The following CCND3 variants were observed in gnomAD, a reference collection of about 807,000 sequenced individuals.
CCND3 encodes G1/S-specific cyclin-D3.
In CCND3, 9 loss-of-function variants were observed where a neutral mutation model predicts 28.7. The observed-to-expected ratio is 0.31, with a 90% CI of 0.19 to 0.55. The LOEUF (loss-of-function observed/expected upper bound fraction) is 0.55. CCND3 is among the 20% of genes least tolerant of loss of function. The pLI is 0.93. For synonymous variants in CCND3, 164 were observed against 163.9 expected (o/e 1.00, Z 0.00); for missense variants, 315 against 385.8 (o/e 0.82, Z 1.54).
rs1199684483 is a variant in CCND3 at position 42,048,262 on chromosome 6, G to A, written c.-46+239C>T. 8.4e-6 allele frequency: 2 copies of A among 238,686 alleles called. No individual in the cohort carries two copies. The highest frequency in any genetic ancestry group is 1.7e-5 in the Non-Finnish European group (2 of 119,826). 14.8% of individuals were successfully genotyped at this position (238,686 alleles called of 1,614,324 possible). A position where few individuals can be genotyped will look rare whatever the true frequency, so the allele number is the denominator to read the frequency against. ...CCACGGGGCTTCCAGATCAGCTGGA[G>A]GGGGTTGTGCCGATGTGTGTACATA... On this transcript the variant is annotated intron_variant, in intron 1 of 4. Coordinates refer to the CCND3 transcript ENST00000372988. This position sits in a 1 kb window ranked among gnomAD's most constrained non-coding sequence, Gnocchi z 4.7.
intron 1 of CCND3, among the ~76,000 whole-genome samples, chr6:41,987,180 C>T (rs1254629596): frequency 2.6e-5 from 4 of 151,946 alleles, no homozygotes; most frequent in African/African-American, 9.7e-5. Flanking sequence ...TTGTCAATTA[C>T]ATTTCGCACT....
At chr6:42,044,010 C>CCATG (rs1764449433) in intron 1 of CCND3, among the ~76,000 whole-genome samples, 1 of 152,222 alleles carries the variant, frequency 6.6e-6, no homozygotes, top group African/African-American at 2.4e-5. Context: ...GCATAAAAGG[C>CCATG]CATGCCACAT....
At chr6:42,034,289 A>G (rs1251733890) in intron 1 of CCND3, among the ~76,000 whole-genome samples, 2 of 150,904 alleles carry the variant, frequency 1.3e-5, no homozygotes, top group East Asian at 3.9e-4. Flanking sequence ...CTGGGATTAC[A>G]GGTGCCCGCC....
intron 1 of CCND3, among the ~76,000 whole-genome samples, chr6:42,037,394 T>C (rs1383589040): frequency 6.6e-6 from 1 of 151,836 alleles, no homozygotes. Context: ...TGCACGACCA[T>C]GCCCAGCTAA....
intron 1 of CCND3, among the ~76,000 whole-genome samples, chr6:41,968,144 A>G (rs1386647229): frequency 6.6e-6 from 1 of 152,210 alleles, no homozygotes; most frequent in African/African-American, 2.4e-5. Context: ...CATTTAGCTA[A>G]CAGCAAATGG....
chr6:42,038,318 C>T (rs141097058), intron 1 of CCND3, among the ~76,000 whole-genome samples: 6 of 151,932 alleles, frequency 3.9e-5, no homozygotes, highest in African/African-American at 7.3e-5. Flanking sequence ...GTGGGCAGAT[C>T]GCTTGAGCCC....
chr6:42,002,434 C>T (rs1307266937), intron 1 of CCND3, among the ~76,000 whole-genome samples: 1 of 51,554 alleles, frequency 1.9e-5, no homozygotes, highest in Non-Finnish European at 4.1e-5. Flanking sequence ...AACAAGACTC[C>T]ATCTCAAAAA....
chr6:41,941,897 G>C (rs1362917458), upstream of CCND3: 1 of 215,488 alleles, frequency 4.6e-6, no homozygotes, highest in African/African-American at 2.3e-5. This position sits in a 1 kb window ranked among gnomAD's most constrained non-coding sequence, Gnocchi z 6.1. Flanking sequence ...CGCCCCGGAC[G>C]GAAAGGGTTG....
chr6:41,990,660 A>ATTTTTTTTTTTTT lies in CCND3; in HGVS notation c.-45-50088_-45-50076dup, dbSNP rs67939325. Among the ~76,000 whole-genome samples the ATTTTTTTTTTTTT allele has an allele frequency of 6.9e-4, 84 of 121,276 alleles. 42 individuals are homozygous for ATTTTTTTTTTTTT. The highest frequency in any genetic ancestry group is 6.6e-4 in the Non-Finnish European group (40 of 60,716). 79.6% of individuals were successfully genotyped at this position (121,276 alleles called of 152,430 possible). A position where few individuals can be genotyped will look rare whatever the true frequency, so the allele number is the denominator to read the frequency against. On this transcript the variant is annotated intron_variant, in intron 1 of 4. Coordinates refer to the CCND3 transcript ENST00000372988. Reference sequence around the variant, plus strand: ...TAGTCCATGAATCTATAACCAACTGATTTTTTTTTTTTTTTTTTTTTTTTT... The same window carrying ATTTTTTTTTTTTT: ...TAGTCCATGAATCTATAACCAACTGATTTTTTTTTTTTTTTTTTTTTTTTTTTTTTTTTTTTTT...
chr6:41,965,624 A>G (rs570041918), intron 1 of CCND3, among the ~76,000 whole-genome samples: 2 of 152,256 alleles, frequency 1.3e-5, no homozygotes, highest in South Asian at 4.1e-4. Flanking sequence ...AACGGAAGGA[A>G]ACAGAACAGC....
intron 3 of CCND3, 50 bp downstream of exon 3, chr6:41,937,185 T>C (rs1353015713): frequency 2.5e-6 from 4 of 1,597,410 alleles, no homozygotes; most frequent in Non-Finnish European, 3.4e-6. Flanking sequence ...CTCACCCTTA[T>C]AAGTCTTCTG....
At chr6:41,982,732 C>T (rs1762382940) in intron 1 of CCND3, among the ~76,000 whole-genome samples, 1 of 152,008 alleles carries the variant, frequency 6.6e-6, no homozygotes, top group African/African-American at 2.4e-5. Flanking sequence ...AAAGACTCGA[C>T]AAATAGATCA....
In CCND3 at chr6:41,954,205, T is replaced by G. The variant is rs142180428; in HGVS notation, c.-45-13620A>C. 9.8e-3 allele frequency among the ~76,000 whole-genome samples: 1,298 copies of G among 132,222 alleles called. 15 individuals carry two copies. Among genetic ancestry groups the G allele is most frequent in the African/African-American group, 0.028 (946 of 34,360 alleles). 86.7% of individuals were successfully genotyped at this position (132,222 alleles called of 152,430 possible). On this transcript the variant is annotated intron_variant, in intron 1 of 4. Coordinates refer to the CCND3 transcript ENST00000372988. ...GGCGGAGGTTGTGGTAAGCTGAGAT[T>G]GCACCGCTGCACTCCAGCCTGGGGT... is the stretch of plus-strand genomic sequence containing the variant.
chr6:41,996,814 G>A lies in CCND3; in HGVS notation c.-46+51687C>T, dbSNP rs566114167. 3.2e-4 allele frequency among the ~76,000 whole-genome samples: 48 copies of A among 152,058 alleles called. No individual in the cohort carries two copies. The East Asian group carries it at 6.4e-3, about 20-fold the overall frequency. ...CAAGTAGCTGGGACTGCAGGTGTGC[G>A]CCACCATGTCCAGCTAATTTTTGTA... On this transcript the variant is annotated intron_variant, in intron 1 of 4. Transcript: ENST00000372988.
At position 41,941,557 on chromosome 6, in the gene CCND3, C is replaced by G. The variant is rs2127395246; in HGVS notation, c.93G>C (p.Leu31=). 4 of 1,586,260 alleles carry G rather than the reference C, an allele frequency of 2.5e-6. No individual in the cohort carries two copies. The highest frequency in any genetic ancestry group is 3.4e-6 in the Non-Finnish European group (4 of 1,168,788). ...GTACGTAGCGCTCCTCCAGGCGGAG[C>G]AGGCTCTGCAGGACACGCTGGTCCC... ...LLGDQRVLQS[L]LRLEERYVPR... The change falls in exon 1 of 5, where the codon CTG becomes CTC. Residue 31 remains leucine (L), a synonymous_variant. Transcript: ENST00000372991. This position sits in a 1 kb window ranked among gnomAD's most constrained non-coding sequence, Gnocchi z 6.1.
intron 1 of CCND3, among the ~76,000 whole-genome samples, chr6:41,955,870 T>C (rs1017296994): frequency 3.3e-5 from 5 of 152,130 alleles, no homozygotes; most frequent in African/African-American, 4.8e-5. Context: ...GAAAATTGCT[T>C]ATGCCTAGGA....
Position 41,935,725 on chromosome 6 carries a change from G to A in CCND3, c.*215C>T, listed in dbSNP as rs1325787911. On this transcript the variant is annotated 3_prime_UTR_variant, in exon 5 of 5. Transcript: ENST00000372991. ...AAAGGCGCTGCTGGTCAGATGCAGG[G>A]AGGAGGAGCTTGACTAGCCACCGAA... 4 of 570,426 alleles carry A rather than the reference G, an allele frequency of 7.0e-6. No individual in the cohort carries two copies. In the African/African-American group the frequency reaches 7.5e-5, roughly 11 times the overall value. 35.3% of individuals were successfully genotyped at this position (570,426 alleles called of 1,614,324 possible). A position where few individuals can be genotyped will look rare whatever the true frequency, so the allele number is the denominator to read the frequency against.
chr6:41,959,720 C>A (rs540622090), intron 1 of CCND3, among the ~76,000 whole-genome samples: 1 of 150,612 alleles, frequency 6.6e-6, no homozygotes, highest in East Asian at 2.0e-4. Flanking sequence ...GTAGTCCCAG[C>A]GCTTTGGGAG....
chr6:41,994,724 T>C lies in CCND3; in HGVS notation c.-46+53777A>G, dbSNP rs936530135. On this transcript the variant is annotated intron_variant, in intron 1 of 4. Coordinates refer to the CCND3 transcript ENST00000372988. ...GTGCATGTATGGCGTAGGAATTATA[T>C]GGGAACTCTGTACTTTTGCAGCTCA... Among the ~76,000 whole-genome samples, 5 of 152,064 alleles carry C rather than the reference T, an allele frequency of 3.3e-5. No homozygotes were observed. The East Asian group carries it at 7.7e-4, about 23-fold the overall frequency.
Sources: gnomAD v4.1 joint callset for allele counts (sites outside exome capture counted in the v4.1 genomes callset) on GRCh38, gnomAD v4.1.1 for gene constraint, Gnocchi (gnomAD v3.1) non-coding constraint, MANE v1.5 for transcripts, NCBI Gene and HGNC (gene_info 2026-07-23, HGNC 2026-07-21) for gene names.